OSBPL1A: variants seen among roughly 807,000 people sequenced by gnomAD.
The protein encoded by OSBPL1A is oxysterol-binding protein-related protein 1.
OSBPL1A carries 80 observed loss-of-function variants against 137.1 expected under a neutral mutation model. That is an observed-to-expected ratio of 0.58 (90% CI 0.49 to 0.70). The LOEUF (loss-of-function observed/expected upper bound fraction) is 0.70, where lower values mean the gene tolerates loss of function less well. Among genes scored for constraint, OSBPL1A ranks in the 30% least tolerant of loss-of-function variants. OSBPL1A has a pLI of 0.00. For missense variants in OSBPL1A, 970 were observed against 1,129.4 expected (o/e 0.86, Z 2.02); for synonymous variants, 365 against 389.7 (o/e 0.94, Z 0.75).
intron 19 of OSBPL1A, 27 bp downstream of exon 19, chr18:24,181,114 GAGTT>G (rs1331788036): frequency 2.5e-6 from 4 of 1,608,016 alleles, no homozygotes; most frequent in Non-Finnish European, 3.4e-6. Flanking sequence ...AGGTCTCTAA[GAGTT>G]AGACCTTTTC....
intron 16 of OSBPL1A, among the ~76,000 whole-genome samples, chr18:24,227,081 C>T (rs1015977375): frequency 1.4e-4 from 22 of 151,758 alleles, no homozygotes; most frequent in African/African-American, 4.8e-4. Context: ...TTAGTAAAGA[C>T]GGGGTTTCAC....
chr18:24,332,882 G>T (rs982566762), intron 7 of OSBPL1A, 60 bp downstream of exon 7: 61 of 1,577,158 alleles, frequency 3.9e-5, no homozygotes, highest in Non-Finnish European at 5.1e-5. Flanking sequence ...ATTTTATATG[G>T]CATTGACTTC....
At chr18:24,239,418 G>A in intron 15 of OSBPL1A, 36 bp from the exon 16 acceptor site, 1 of 1,580,924 alleles carries the variant, frequency 6.3e-7, no homozygotes, top group Non-Finnish European at 8.7e-7. Context: ...AGACTTCAGA[G>A]TGACAGGAGA....
chr18:24,314,965 T>C (rs942294214), intron 11 of OSBPL1A, among the ~76,000 whole-genome samples: 7 of 152,058 alleles, frequency 4.6e-5, no homozygotes, highest in African/African-American at 1.7e-4. Flanking sequence ...ATAAATGGGT[T>C]AAGAATGGGA....
intron 16 of OSBPL1A, among the ~76,000 whole-genome samples, chr18:24,227,123 C>T (rs1304289243): frequency 6.6e-6 from 1 of 152,024 alleles, no homozygotes; most frequent in Non-Finnish European, 1.5e-5. Context: ...AGACTCCTAA[C>T]CTCAGGTGAT....
intron 17 of OSBPL1A, among the ~76,000 whole-genome samples, chr18:24,211,321 G>A (rs2087536418): frequency 6.6e-6 from 1 of 152,156 alleles, no homozygotes; most frequent in Non-Finnish European, 1.5e-5. Context: ...AAAACAGTTA[G>A]AAGAGTAGCA....
Position 24,312,115 on chromosome 18 carries a change from A to G in OSBPL1A, c.970-9T>C, listed in dbSNP as rs1167707846. On this transcript the variant is annotated splice_polypyrimidine_tract_variant and intron_variant, in intron 12 of 27. Transcript: ENST00000319481. ...ATTGCTTCCAGCCAGTCCTGAAATC[A>G]TGCAAGAATTTAAATGAGAGTGAAA... is the stretch of plus-strand genomic sequence containing the variant. The G allele has an allele frequency of 4.3e-6, 7 of 1,613,128 alleles. No homozygotes were observed. The highest frequency in any genetic ancestry group is 5.9e-6 in the Non-Finnish European group (7 of 1,179,598).
At chr18:24,188,689 T>C (rs775877078) in intron 18 of OSBPL1A, among the ~76,000 whole-genome samples, 19 of 152,210 alleles carry the variant, frequency 1.2e-4, no homozygotes, top group Non-Finnish European at 2.4e-4. Context: ...CATGCTATTT[T>C]AAAATATAGC....
At chr18:24,274,024 A>G (rs2089787240) in intron 15 of OSBPL1A, among the ~76,000 whole-genome samples, 1 of 152,162 alleles carries the variant, frequency 6.6e-6, no homozygotes, top group Non-Finnish European at 1.5e-5. Flanking sequence ...ACTTGAGGTC[A>G]GGAGTTCTAG....
intron 7 of OSBPL1A, among the ~76,000 whole-genome samples, chr18:24,328,218 A>ATTTTTT (rs564798076): frequency 1.0e-4 from 5 of 48,614 alleles, no homozygotes; most frequent in African/African-American, 2.1e-4. Flanking sequence ...AATTTTTTGT[A>ATTTTTT]TTTTTTTTTT....
At chr18:24,183,502 G>A (rs937093625) in intron 18 of OSBPL1A, among the ~76,000 whole-genome samples, 32 of 150,262 alleles carry the variant, frequency 2.1e-4, no homozygotes, top group African/African-American at 6.9e-4. Flanking sequence ...GCGCGATCTC[G>A]GCTCACTGAA....
chr18:24,333,190 T>A, intron 6 of OSBPL1A, 104 bp from the exon 7 acceptor site: 1 of 1,260,554 alleles, frequency 7.9e-7, no homozygotes, highest in Non-Finnish European at 1.1e-6. Context: ...ATAGCCAAGC[T>A]CCTTGGCATC....
At chr18:24,267,385 A>G (rs1239699520) in intron 15 of OSBPL1A, among the ~76,000 whole-genome samples, 2 of 152,112 alleles carry the variant, frequency 1.3e-5, no homozygotes, top group Non-Finnish European at 2.9e-5. Context: ...TTTCAATTTT[A>G]TACAAAACAG....
rs750125504 is a variant in OSBPL1A at position 24,280,905 on chromosome 18, T to C, written c.1218A>G (p.Glu406=). Residue 406 remains glutamate, a synonymous_variant, in exon 15 of 28, where the codon GAA becomes GAG. Transcript: ENST00000319481. ...AAGCTACACAAGTTTCTCTAGAAGCTTCTGAGACAACTTCAACTTTCTGAA... is the reference window on the plus strand; with the variant it reads ...AAGCTACACAAGTTTCTCTAGAAGCCTCTGAGACAACTTCAACTTTCTGAA... ...SFLQKVEVVS[E]ASRETCVALT... The C allele has an allele frequency of 1.2e-6, 2 of 1,608,740 alleles. No homozygotes were observed. Among genetic ancestry groups the C allele is most frequent in the African/African-American group, 2.7e-5 (2 of 74,584 alleles).
chr18:24,306,286 A>C (rs868314314), intron 13 of OSBPL1A, among the ~76,000 whole-genome samples: 1 of 152,168 alleles, frequency 6.6e-6, no homozygotes, highest in African/African-American at 2.4e-5. Context: ...TTGGTTTTGT[A>C]TGAGTTAAGC....
intron 18 of OSBPL1A, among the ~76,000 whole-genome samples, chr18:24,186,080 A>T (rs1192574670): frequency 1.3e-5 from 2 of 152,184 alleles, no homozygotes; most frequent in East Asian, 3.8e-4. Flanking sequence ...AAAATAAAAT[A>T]AAATTTTAAG....
At chr18:24,226,048 G>A (rs980599802) in intron 16 of OSBPL1A, among the ~76,000 whole-genome samples, 8 of 152,126 alleles carry the variant, frequency 5.3e-5, no homozygotes, top group South Asian at 2.1e-4. Context: ...ACAAAAGCCC[G>A]AAGCAACCCT....
At chr18:24,184,470 C>G (rs371996855) in intron 18 of OSBPL1A, among the ~76,000 whole-genome samples, 6 of 152,332 alleles carry the variant, frequency 3.9e-5, no homozygotes, top group Admixed American at 6.5e-5. Context: ...CTTTATTCCT[C>G]TATGTCCTAC....
chr18:24,174,705 G>A (rs1422287223), intron 21 of OSBPL1A, among the ~76,000 whole-genome samples: 1 of 152,066 alleles, frequency 6.6e-6, no homozygotes, highest in Non-Finnish European at 1.5e-5. Context: ...GGTATAAATA[G>A]GATAGCTCAT....
Sources: gnomAD v4.1 joint callset for allele counts (sites outside exome capture counted in the v4.1 genomes callset) on GRCh38, gnomAD v4.1.1 for gene constraint, MANE v1.5 for transcripts, NCBI Gene and HGNC (gene_info 2026-07-23, HGNC 2026-07-21) for gene names.